The following SORCS3 variants were observed in gnomAD, a reference collection of about 807,000 sequenced individuals.
SORCS3 encodes the protein VPS10 domain-containing receptor SorCS3.
In SORCS3, 57 loss-of-function variants were observed where a neutral mutation model predicts 146.3. The observed-to-expected ratio is 0.39, with a 90% confidence interval of 0.31 to 0.49. The LOEUF is 0.49. SORCS3 is among the 20% of genes least tolerant of loss of function. The pLI, the probability that SORCS3 is intolerant of heterozygous loss-of-function variation, is 0.92. For synonymous variants in SORCS3, 653 were observed against 618.5 expected (o/e 1.06, Z -0.83); for missense variants, 1,341 against 1,575.5 (o/e 0.85, Z 2.52).
At chr10:105,251,672 A>T (rs551240367) in intron 22 of SORCS3, among the ~76,000 whole-genome samples, 1 of 152,274 alleles carries the variant, frequency 6.6e-6, no homozygotes, top group East Asian at 1.9e-4. Flanking sequence ...TCTGGATAAA[A>T]GATCTTCAGG....
intron 13 of SORCS3, among the ~76,000 whole-genome samples, chr10:105,172,827 G>A (rs1025262193): frequency 5.9e-5 from 9 of 152,086 alleles, no homozygotes; most frequent in African/African-American, 1.7e-4. Flanking sequence ...CTACACTCAC[G>A]GTGGCTTGAT....
intron 1 of SORCS3, among the ~76,000 whole-genome samples, chr10:104,723,073 G>T (rs894668785): frequency 1.3e-5 from 2 of 151,970 alleles, no homozygotes; most frequent in Non-Finnish European, 2.9e-5. Context: ...GTGATGTTAG[G>T]GTGTCAACTT....
chr10:104,820,187 T>C (rs1445907059), intron 1 of SORCS3, among the ~76,000 whole-genome samples: 2 of 152,198 alleles, frequency 1.3e-5, no homozygotes, highest in Admixed American at 6.5e-5. Context: ...AGGGTAAGAA[T>C]ATATTAGGTG....
At chr10:104,729,238 T>C (rs2016678789) in intron 1 of SORCS3, among the ~76,000 whole-genome samples, 2 of 152,232 alleles carry the variant, frequency 1.3e-5, no homozygotes, top group Admixed American at 1.3e-4. Flanking sequence ...TTCTGTTTTA[T>C]GGTACACGTG....
At chr10:104,875,553 G>C (rs1294504662) in intron 2 of SORCS3, among the ~76,000 whole-genome samples, 3 of 152,034 alleles carry the variant, frequency 2.0e-5, no homozygotes, top group African/African-American at 4.8e-5. Flanking sequence ...AAAGATAGTT[G>C]GTATTTCATT....
intron 1 of SORCS3, among the ~76,000 whole-genome samples, chr10:104,812,903 A>G (rs1306478360): frequency 6.6e-6 from 1 of 152,224 alleles, no homozygotes; most frequent in Non-Finnish European, 1.5e-5. Flanking sequence ...TCATGGGTAT[A>G]TGGATTTTAA....
At chr10:104,828,569 A>G (rs1285164327) in intron 1 of SORCS3, among the ~76,000 whole-genome samples, 5 of 152,120 alleles carry the variant, frequency 3.3e-5, no homozygotes, top group Admixed American at 2.6e-4. Context: ...AATTTCCAAA[A>G]TGTGACGCAG....
intron 1 of SORCS3, among the ~76,000 whole-genome samples, chr10:104,699,657 C>A (rs2016257138): frequency 1.3e-5 from 2 of 151,972 alleles, no homozygotes; most frequent in Non-Finnish European, 2.9e-5. Flanking sequence ...TTTTGAAGAG[C>A]CGGGTCCTTG....
intron 4 of SORCS3, among the ~76,000 whole-genome samples, chr10:104,981,756 C>G (rs1322439882): frequency 6.6e-6 from 1 of 152,176 alleles, no homozygotes; most frequent in Non-Finnish European, 1.5e-5. Context: ...ATGCATACAT[C>G]CTGGCACAGG....
chr10:104,709,831 G>A (rs910750712), intron 1 of SORCS3, among the ~76,000 whole-genome samples: 1 of 151,552 alleles, frequency 6.6e-6, no homozygotes, highest in Non-Finnish European at 1.5e-5. Flanking sequence ...CTGCATTTTG[G>A]TTCCTTAAAT....
chr10:104,696,092 TA>T (rs369785944), intron 1 of SORCS3, among the ~76,000 whole-genome samples: 32 of 14,992 alleles, frequency 2.1e-3, no homozygotes, highest in Admixed American at 5.5e-3. Flanking sequence ...TACACATATA[TA>T]ATATATCATA....
chr10:105,120,195 T>G (rs2133764535), intron 7 of SORCS3, among the ~76,000 whole-genome samples: 1 of 152,282 alleles, frequency 6.6e-6, no homozygotes, highest in South Asian at 2.1e-4. Flanking sequence ...TACTTAGCAC[T>G]TCTCCTTCCA....
At chr10:104,948,377 T>G (rs1451623322) in intron 3 of SORCS3, among the ~76,000 whole-genome samples, 1 of 151,992 alleles carries the variant, frequency 6.6e-6, no homozygotes, top group African/African-American at 2.4e-5. Context: ...TGGAAAAAAG[T>G]CAACATAAAG....
chr10:105,123,006 C>T (rs946683616), intron 7 of SORCS3, among the ~76,000 whole-genome samples: 2 of 152,206 alleles, frequency 1.3e-5, no homozygotes, highest in African/African-American at 4.8e-5. Flanking sequence ...GCTCAGTTTC[C>T]TTGTGGCAAA....
chr10:104,641,901 G>A lies in SORCS3; in HGVS notation c.574G>A (p.Gly192Arg). The change falls in exon 1 of 27, where the codon GGG becomes AGG. Residue 192 changes from glycine (G) to arginine (R), a missense_variant. Coordinates refer to ENST00000369701, the MANE Select transcript of SORCS3 (RefSeq NM_014978.3). This position sits in a 1 kb window ranked among gnomAD's most constrained non-coding sequence, Gnocchi z 6.4. ...RLPSTSFALT[G>R]DSAHNQAMVH... is the part of the protein sequence containing the mutation. ...GCCCAGCACCTCCTTCGCGCTGACC[G>A]GGGACTCGGCCCACAACCAAGCCAT... The A allele has an allele frequency of 6.3e-7, 1 of 1,597,364 alleles. No individual in the cohort carries two copies. The highest frequency in any genetic ancestry group is 8.5e-7 in the Non-Finnish European group (1 of 1,177,128).
chr10:104,961,589 T>A (rs1382986382), intron 3 of SORCS3, among the ~76,000 whole-genome samples: 2 of 152,222 alleles, frequency 1.3e-5, no homozygotes, highest in African/African-American at 2.4e-5. Flanking sequence ...GGCCACCAAT[T>A]TGTTAAATTT....
chr10:104,773,790 C>G (rs2017278344), intron 1 of SORCS3, among the ~76,000 whole-genome samples: 1 of 152,248 alleles, frequency 6.6e-6, no homozygotes, highest in South Asian at 2.1e-4. Context: ...TCAGCAGAAT[C>G]AGTCCAGGCT....
At chr10:105,222,347 C>T (rs772320379) in intron 19 of SORCS3, among the ~76,000 whole-genome samples, 1 of 152,170 alleles carries the variant, frequency 6.6e-6, no homozygotes, top group Non-Finnish European at 1.5e-5. Context: ...TGTGAGCCAC[C>T]GCGCCCGGCC....
chr10:104,997,607 G>T (rs1280483731), intron 4 of SORCS3, among the ~76,000 whole-genome samples: 1 of 152,154 alleles, frequency 6.6e-6, no homozygotes, highest in Non-Finnish European at 1.5e-5. Flanking sequence ...ATGCATATAT[G>T]TGCTTTTTGT....
Sources: gnomAD v4.1 joint callset for allele counts (sites outside exome capture counted in the v4.1 genomes callset) on GRCh38, gnomAD v4.1.1 for gene constraint, Gnocchi (gnomAD v3.1) non-coding constraint, MANE v1.5 for transcripts, NCBI Gene and HGNC (gene_info 2026-07-23, HGNC 2026-07-21) for gene names.